Variants in ASCC1 observed in about 807,000 individuals in gnomAD.
ASCC1 encodes ASC-1 complex subunit P50.
A neutral mutation model predicts 46.6 loss-of-function variants in ASCC1; 35 were observed. The ratio of observed to expected loss-of-function variants is 0.75; its 90% CI spans 0.57 to 0.99. The LOEUF (loss-of-function observed/expected upper bound fraction) is 0.99, where lower values mean the gene tolerates loss of function less well. Ranked by LOEUF, ASCC1 falls within the 50% of genes least tolerant of loss-of-function variation. The probability of loss-of-function intolerance (pLI) is 0.00; values close to 1 mark genes in which losing one functional copy is unlikely to be tolerated. For synonymous variants in ASCC1, 143 were observed against 146.6 expected (o/e 0.98, Z 0.18); for missense variants, 376 against 428.7 (o/e 0.88, Z 1.09).
intron 9 of ASCC1, among the ~76,000 whole-genome samples, chr10:72,099,742 C>T (rs1284551963): frequency 6.6e-6 from 1 of 152,116 alleles, no homozygotes; most frequent in Admixed American, 6.6e-5. Flanking sequence ...ATCGCTTGAA[C>T]CTGGGAGGCG....
intron 9 of ASCC1, among the ~76,000 whole-genome samples, chr10:72,115,788 A>C (rs1255099556): frequency 6.6e-6 from 1 of 152,202 alleles, no homozygotes; most frequent in Non-Finnish European, 1.5e-5. Flanking sequence ...TGGCAGGAAG[A>C]ATGGCTTTAT....
chr10:72,187,161 C>T (rs1006794082), intron 5 of ASCC1, among the ~76,000 whole-genome samples: 1 of 152,112 alleles, frequency 6.6e-6, no homozygotes, highest in Non-Finnish European at 1.5e-5. Context: ...CCCTCCATTC[C>T]CACTAAGAAC....
chr10:72,192,466 A>AAAAG (rs1159942101), intron 5 of ASCC1, among the ~76,000 whole-genome samples: 1 of 151,958 alleles, frequency 6.6e-6, no homozygotes, highest in Non-Finnish European at 1.5e-5. Context: ...AAAAAAAAAA[A>AAAAG]AAAGAAAGAA....
chr10:72,208,534 T>C (rs985577267), intron 3 of ASCC1, among the ~76,000 whole-genome samples: 2 of 152,124 alleles, frequency 1.3e-5, no homozygotes, highest in Admixed American at 6.6e-5. Flanking sequence ...CCGAGGCAGG[T>C]GGATCACCTG....
At chr10:72,207,470 G>C (rs924465606) in intron 3 of ASCC1, among the ~76,000 whole-genome samples, 1 of 152,214 alleles carries the variant, frequency 6.6e-6, no homozygotes, top group Non-Finnish European at 1.5e-5. Context: ...CAGTGACAAG[G>C]TGACTCCTTG....
intron 5 of ASCC1, among the ~76,000 whole-genome samples, chr10:72,162,739 T>G (rs531277525): frequency 6.6e-6 from 1 of 151,928 alleles, no homozygotes; most frequent in Non-Finnish European, 1.5e-5. Context: ...GATCAGGAGT[T>G]CAAGACCAGC....
intron 7 of ASCC1, among the ~76,000 whole-genome samples, chr10:72,141,056 G>C (rs1283229924): frequency 6.7e-6 from 1 of 150,274 alleles, no homozygotes; most frequent in African/African-American, 2.5e-5. Context: ...TAGATAGATA[G>C]ATAGATAGAT....
chr10:72,166,501 C>A (rs74408342), intron 5 of ASCC1, among the ~76,000 whole-genome samples: 842 of 112,434 alleles, frequency 7.5e-3, no homozygotes, highest in African/African-American at 0.014. Flanking sequence ...TTTTTCTCTA[C>A]AAAAAAAAAA....
intron 7 of ASCC1, among the ~76,000 whole-genome samples, chr10:72,150,427 G>A (rs1265063157): frequency 6.6e-6 from 1 of 152,184 alleles, no homozygotes; most frequent in Non-Finnish European, 1.5e-5. Context: ...CTGGCTCAGT[G>A]TGAACCTTCT....
chr10:72,134,733 G>C (rs1260191626), intron 7 of ASCC1, among the ~76,000 whole-genome samples: 1 of 152,146 alleles, frequency 6.6e-6, no homozygotes, highest in African/African-American at 2.4e-5. Flanking sequence ...CACTGTCCCA[G>C]CCACCTGGGA....
At chr10:72,186,267 G>A (rs1192325221) in intron 5 of ASCC1, among the ~76,000 whole-genome samples, 2 of 151,760 alleles carry the variant, frequency 1.3e-5, no homozygotes, top group Non-Finnish European at 2.9e-5. Flanking sequence ...TAGCTGGGGT[G>A]CCCACCACTG....
intron 3 of ASCC1, chr10:72,204,480 C>A: frequency 6.5e-7 from 1 of 1,550,324 alleles, no homozygotes; most frequent in South Asian, 1.2e-5. Context: ...AACCCACAGT[C>A]GTTTGATGTG....
chr10:72,181,748 C>T (rs1252926032), intron 5 of ASCC1, among the ~76,000 whole-genome samples: 3 of 151,862 alleles, frequency 2.0e-5, no homozygotes, highest in South Asian at 2.1e-4. Flanking sequence ...TGCAGTGGCA[C>T]CATCTCAGCT....
chr10:72,206,544 G>A (rs1008902790), intron 3 of ASCC1, among the ~76,000 whole-genome samples: 5 of 152,212 alleles, frequency 3.3e-5, no homozygotes, highest in African/African-American at 4.8e-5. Flanking sequence ...AGTCCATGCT[G>A]TAGGGCAGAT....
chr10:72,099,969 T>C (rs953910554), intron 9 of ASCC1, among the ~76,000 whole-genome samples: 13 of 152,220 alleles, frequency 8.5e-5, no homozygotes, highest in South Asian at 6.2e-4. Flanking sequence ...TATTTCCGTA[T>C]GGTATTTCTT....
At chr10:72,133,217 A>G (rs752947666) in intron 7 of ASCC1, 36 bp from the exon 8 acceptor site, 3 of 1,611,484 alleles carry the variant, frequency 1.9e-6, no homozygotes, top group Non-Finnish European at 1.7e-6. Flanking sequence ...CAGAAATCTT[A>G]GTAAACTTCT....
At chr10:72,211,591 G>A (rs762751939) in intron 2 of ASCC1, among the ~76,000 whole-genome samples, 7 of 151,450 alleles carry the variant, frequency 4.6e-5, no homozygotes, top group Non-Finnish European at 1.0e-4. Flanking sequence ...AAAAAATTAC[G>A]GCTGGGCACG....
chr10:72,109,708 G>A (rs1842718075), intron 9 of ASCC1, among the ~76,000 whole-genome samples: 4 of 152,202 alleles, frequency 2.6e-5, no homozygotes, highest in Admixed American at 2.6e-4. Flanking sequence ...AGGATGCCAG[G>A]CAGTTCTGCT....
chr10:72,138,206 C>T (rs1350161999), intron 7 of ASCC1, among the ~76,000 whole-genome samples: 1 of 152,156 alleles, frequency 6.6e-6, no homozygotes, highest in Non-Finnish European at 1.5e-5. Context: ...TGAATATAAC[C>T]ATGCACCGCA....
Sources: allele counts gnomAD v4.1 joint callset (sites outside exome capture counted in the v4.1 genomes callset), GRCh38; gene constraint gnomAD v4.1.1; transcripts MANE v1.5; gene names NCBI Gene and HGNC (gene_info 2026-07-23, HGNC 2026-07-21).